The following ANKRD11 variants were observed in gnomAD, a reference collection of about 807,000 sequenced individuals.
The protein encoded by ANKRD11 is ankyrin repeat domain 11.
ANKRD11 carries 17 observed loss-of-function variants against 195.7 expected under a neutral mutation model. The observed-to-expected ratio is 0.09, with a 90% CI of 0.06 to 0.13. ANKRD11 has a LOEUF of 0.13. ANKRD11 is among the 10% of genes least tolerant of loss of function. The pLI, the probability that ANKRD11 is intolerant of heterozygous loss-of-function variation, is 1.00. For missense variants in ANKRD11, 3,735 were observed against 3,566.1 expected (o/e 1.05, Z -1.21); for synonymous variants, 1,953 against 1,528.1 (o/e 1.28, Z -6.49).
At position 89,383,510 on chromosome 16, in the gene ANKRD11, C is replaced by T. The variant is rs1049504115; in HGVS notation, c.-60+34774G>A. ...AAACCTCGGGGCCATGTCCAGTGGACGCTGCTGCCTCCTGTGTCTGCAAGA... is the reference window on the plus strand; with the variant it reads ...AAACCTCGGGGCCATGTCCAGTGGATGCTGCTGCCTCCTGTGTCTGCAAGA... On this transcript the variant is annotated intron_variant, in intron 2 of 12. Coordinates refer to ENST00000301030, the MANE Select transcript of ANKRD11 (RefSeq NM_013275.6). Among the ~76,000 whole-genome samples, 18 of 152,350 alleles carry T rather than the reference C, an allele frequency of 1.2e-4. 1 individual carries two copies. The highest frequency in any genetic ancestry group is 1.2e-3 in the Admixed American group (18 of 15,300).
intron 6 of ANKRD11, among the ~76,000 whole-genome samples, chr16:89,289,344 G>A (rs2034872880): frequency 6.6e-6 from 1 of 152,230 alleles, no homozygotes; most frequent in African/African-American, 2.4e-5. Flanking sequence ...AGGGCAGTTG[G>A]AGAAATCTAG....
chr16:89,469,207 T>G (rs1597504004), intron 1 of ANKRD11, among the ~76,000 whole-genome samples: 2 of 151,738 alleles, frequency 1.3e-5, no homozygotes, highest in African/African-American at 4.8e-5. Context: ...AAAAAAGAAA[T>G]AAGCCTGTGA....
chr16:89,278,804 G>A lies in ANKRD11; in HGVS notation c.7470+268C>T, dbSNP rs564833764. 94 of 647,782 alleles carry A rather than the reference G, an allele frequency of 1.5e-4. 1 individual carries two copies. Among genetic ancestry groups the A allele is most frequent in the South Asian group, 1.4e-3 (90 of 66,236 alleles). The allele number at this position is 647,782 out of a possible 1,614,324, so 40.1% of individuals were successfully genotyped here. ...GGGGGAGCCCCACACGAGTGGGACC[G>A]GGGTGCACCCAGGGTGAGGGGGAGG... On this transcript the variant is annotated intron_variant, in intron 9 of 12. Transcript: ENST00000301030.
intron 2 of ANKRD11, among the ~76,000 whole-genome samples, chr16:89,401,888 ACCAGAGACTCCCCCAT>A (rs1402262254): frequency 6.7e-6 from 1 of 150,152 alleles, no homozygotes; most frequent in East Asian, 2.0e-4. Context: ...CGCCGGGCAC[ACCAGAGACTCCCCCAT>A]CCCCCAGAAC....
At chr16:89,290,934 T>G in intron 5 of ANKRD11, 79 bp downstream of exon 5, 1 of 1,609,936 alleles carries the variant, frequency 6.2e-7, no homozygotes, top group Non-Finnish European at 8.5e-7. Context: ...GCACAGGGCT[T>G]GTCCTCAGCA....
rs527695048 is a variant in ANKRD11 at position 89,351,070 on chromosome 16, T to C, written c.-59-33992A>G. Among the ~76,000 whole-genome samples the C allele has an allele frequency of 5.9e-5, 9 of 152,276 alleles. No homozygotes were observed. The South Asian group carries it at 1.0e-3, about 18-fold the overall frequency. ...ATGCATCCCCCGACCGCTATTAAAA[T>C]TGATGCATTCCAAAGTATTTAAACT... is the stretch of plus-strand genomic sequence containing the variant. On this transcript the variant is annotated intron_variant, in intron 2 of 12. Coordinates refer to ENST00000301030, the MANE Select transcript of ANKRD11 (RefSeq NM_013275.6).
At chr16:89,470,915 C>T (rs1361955227) in intron 1 of ANKRD11, among the ~76,000 whole-genome samples, 3 of 152,124 alleles carry the variant, frequency 2.0e-5, no homozygotes, top group African/African-American at 7.2e-5. Context: ...GTGGTGTGAA[C>T]CTGGGAGGCG....
rs780905536 is a variant in ANKRD11, at chr16:89,280,223, G to A, written c.6319C>T (p.Arg2107Cys). ...ACCTGGCCGAGGTGAGACAGGCCGC[G>A]GCTGCCGTCCAGGAAGCTATTTTCC... ...PLENSFLDGSRGLSHLGQVEP... is the reference protein window; with the variant it reads ...PLENSFLDGSCGLSHLGQVEP... The change falls in exon 9 of 13, where the codon CGC becomes TGC. Residue 2107 changes from arginine (R) to cysteine (C), a missense_variant. Transcript: ENST00000301030. 23 of 1,607,920 alleles carry A rather than the reference G, an allele frequency of 1.4e-5. No individual in the cohort carries two copies. Among genetic ancestry groups the A allele is most frequent in the Non-Finnish European group, 1.7e-5 (20 of 1,179,384 alleles).
At position 89,291,302 on chromosome 16, in the gene ANKRD11, AAAGG is replaced by A; in HGVS notation, c.227-123_227-120del. The A allele has an allele frequency of 1.5e-6, 2 of 1,297,102 alleles. No individual in the cohort carries two copies. The highest frequency in any genetic ancestry group is 1.3e-5 in the South Asian group (1 of 79,900). The allele number at this position is 1,297,102 out of a possible 1,614,324, so 80.3% of individuals were successfully genotyped here. A position where few individuals can be genotyped will look rare whatever the true frequency, so the allele number is the denominator to read the frequency against. The stretch of plus-strand genomic sequence containing the variant: ...GTCCACCTGACAGCTGACAGAGCAG[AAAGG>A]AAGGTCTGTGTATGGGGAAAGCACA... On this transcript the variant is annotated intron_variant, in intron 4 of 12. Transcript: ENST00000301030. The surrounding 1 kb of genome is among the most constrained non-coding windows in gnomAD (Gnocchi z 5.3).
intron 2 of ANKRD11, among the ~76,000 whole-genome samples, chr16:89,370,298 G>C (rs375550939): frequency 2.6e-5 from 4 of 152,202 alleles, no homozygotes. Flanking sequence ...GCAGCTCTGA[G>C]GATGAGAAGA....
intron 1 of ANKRD11, among the ~76,000 whole-genome samples, chr16:89,452,646 G>C (rs2011652): frequency 3.3e-5 from 5 of 151,772 alleles, no homozygotes; most frequent in Admixed American, 2.6e-4. Flanking sequence ...GTGTGGTGGC[G>C]GGAGCCTGTA....
At position 89,282,521 on chromosome 16, in the gene ANKRD11, G is replaced by A; in HGVS notation, c.4021C>T (p.Pro1341Ser). Residue 1341 changes from proline (P) to serine (S), a missense_variant, in exon 9 of 13, where the codon CCT becomes TCT. Pro to Ser is a moderately conservative substitution (Grantham distance 74). Transcript: ENST00000301030. ...DDKPRESACL[P>S]EKLKEKERHR... is the part of the protein sequence containing the mutation. ...CTCTCCTTCTCTTTCAGCTTCTCAGGGAGGCAGGCGCTCTCCCTCGGCTTG... is the reference window on the plus strand; with the variant it reads ...CTCTCCTTCTCTTTCAGCTTCTCAGAGAGGCAGGCGCTCTCCCTCGGCTTG... The A allele has an allele frequency of 6.2e-7, 1 of 1,613,990 alleles. No homozygotes were observed. The highest frequency in any genetic ancestry group is 1.7e-5 in the Admixed American group (1 of 60,010).
chr16:89,419,617 C>T (rs961593128), intron 1 of ANKRD11, among the ~76,000 whole-genome samples: 5 of 152,192 alleles, frequency 3.3e-5, no homozygotes, highest in African/African-American at 1.2e-4. Context: ...CCAAACACTT[C>T]CGTGTGCAGA....
At chr16:89,487,804 C>A (rs550669239) in intron 1 of ANKRD11, among the ~76,000 whole-genome samples, 5 of 152,152 alleles carry the variant, frequency 3.3e-5, no homozygotes, top group Non-Finnish European at 7.4e-5. Flanking sequence ...AAAAGGGGCA[C>A]AAAAACTTCT....
intron 1 of ANKRD11, among the ~76,000 whole-genome samples, chr16:89,426,760 G>A (rs1351508266): frequency 1.3e-5 from 2 of 152,150 alleles, no homozygotes; most frequent in South Asian, 4.1e-4. Flanking sequence ...CTCACTGTTG[G>A]CCTCACCATT....
chr16:89,448,892 A>G (rs904442063), intron 1 of ANKRD11, among the ~76,000 whole-genome samples: 2 of 152,170 alleles, frequency 1.3e-5, no homozygotes, highest in Non-Finnish European at 2.9e-5. Flanking sequence ...CCATGAGCAC[A>G]AGCAAAGCAG....
chr16:89,438,220 C>A (rs1330733999), intron 1 of ANKRD11, among the ~76,000 whole-genome samples: 1 of 152,206 alleles, frequency 6.6e-6, no homozygotes. Context: ...ACACCATACA[C>A]AAACATCAAT....
intron 1 of ANKRD11, among the ~76,000 whole-genome samples, chr16:89,449,891 G>T (rs2043989586): frequency 6.6e-6 from 1 of 152,054 alleles, no homozygotes; most frequent in African/African-American, 2.4e-5. Flanking sequence ...TCATAGACAG[G>T]CAGAGCCACA....
At chr16:89,320,721 G>A (rs1017682449) in intron 2 of ANKRD11, among the ~76,000 whole-genome samples, 2 of 152,204 alleles carry the variant, frequency 1.3e-5, no homozygotes, top group African/African-American at 2.4e-5. Context: ...TGGCAGCCCC[G>A]CATCTGTGCC....
Sources: gnomAD v4.1 joint callset for allele counts (sites outside exome capture counted in the v4.1 genomes callset) on GRCh38, gnomAD v4.1.1 for gene constraint, Gnocchi (gnomAD v3.1) non-coding constraint, MANE v1.5 for transcripts, NCBI Gene and HGNC (gene_info 2026-07-23, HGNC 2026-07-21) for gene names.